TERF1: variants seen among roughly 807,000 people sequenced by gnomAD.
TERF1 encodes telomeric repeat-binding factor 1.
In TERF1, 20 loss-of-function variants were observed where a neutral mutation model predicts 55.1. That is an observed-to-expected ratio of 0.36 (90% confidence interval 0.26 to 0.53). The LOEUF (loss-of-function observed/expected upper bound fraction) is 0.53, where lower values mean the gene tolerates loss of function less well. Ranked by LOEUF, TERF1 falls within the 20% of genes least tolerant of loss-of-function variation. TERF1 has a pLI of 0.91. For synonymous variants in TERF1, 168 were observed against 181.2 expected, an observed-to-expected ratio of 0.93 and a Z score of 0.59; for missense variants, 439 against 535.7, an observed-to-expected ratio of 0.82 and a Z score of 1.78.
chr8:73,044,244 A>G (rs1483742257), intron 9 of TERF1, among the ~76,000 whole-genome samples: 1 of 152,204 alleles, frequency 6.6e-6, no homozygotes, highest in African/African-American at 2.4e-5. Context: ...TGTAAGCAGC[A>G]CAGTTGCCGA....
chr8:73,014,068 T>G (rs1808389639), intron 2 of TERF1, 78 bp downstream of exon 2: 1 of 1,262,152 alleles, frequency 7.9e-7, no homozygotes, highest in Non-Finnish European at 1.1e-6. Flanking sequence ...AAACAGACGT[T>G]TTTGGGGGAA....
At chr8:73,038,901 A>G (rs933592244) in intron 8 of TERF1, 1 of 538,124 alleles carries the variant, frequency 1.9e-6, no homozygotes, top group Non-Finnish European at 2.8e-6. Flanking sequence ...TTAAAGACAT[A>G]TAAAAGAATC....
At chr8:73,020,314 T>G (rs1808696480) in intron 2 of TERF1, among the ~76,000 whole-genome samples, 2 of 152,332 alleles carry the variant, frequency 1.3e-5, no homozygotes, top group African/African-American at 2.4e-5. Flanking sequence ...TAGTATTTAT[T>G]CTCACCATTT....
chr8:73,039,792 T>G (rs1217814720), intron 9 of TERF1, among the ~76,000 whole-genome samples: 2 of 148,790 alleles, frequency 1.3e-5, no homozygotes, highest in African/African-American at 2.5e-5. Context: ...TGTGTGTGTG[T>G]GTGTGTGTGT....
At chr8:73,009,932 G>A in intron 1 of TERF1, 1 of 151,998 alleles carries the variant, frequency 6.6e-6, no homozygotes, top group Non-Finnish European at 1.5e-5. Flanking sequence ...CGCCATCACA[G>A]CTCACTGCAG....
At chr8:73,028,949 A>G (rs560983595) in intron 6 of TERF1, among the ~76,000 whole-genome samples, 1 of 152,270 alleles carries the variant, frequency 6.6e-6, no homozygotes, top group South Asian at 2.1e-4. Flanking sequence ...TGCCTCATTC[A>G]TTACCAGGCA....
chr8:73,028,413 T>C (rs1049508953), intron 6 of TERF1, among the ~76,000 whole-genome samples: 2 of 152,124 alleles, frequency 1.3e-5, no homozygotes, highest in African/African-American at 4.8e-5. Context: ...TATATAGCTT[T>C]GTACCATTCA....
In TERF1 at chr8:73,016,082, C is replaced by A. The variant is rs73687057; in HGVS notation, c.415+2092C>A. Among the ~76,000 whole-genome samples the A allele has an allele frequency of 6.9e-3, 1,055 of 152,262 alleles. 8 individuals are homozygous for A. The highest frequency in any genetic ancestry group is 0.023 in the African/African-American group (970 of 41,542). On this transcript the variant is annotated intron_variant, in intron 2 of 9. Transcript: ENST00000276603. The stretch of plus-strand genomic sequence containing the variant: ...GCAGTGAGCTATGATCACACCACTG[C>A]ACCCCAACCTGGGCAGCACAGCAAG...
At chr8:73,014,115 G>C (rs1385095936) in intron 2 of TERF1, 125 bp downstream of exon 2, 4 of 696,406 alleles carry the variant, frequency 5.7e-6, no homozygotes, top group South Asian at 1.8e-5. Context: ...GGGGTGTGGG[G>C]GGGTGGTGTG....
chr8:73,046,091 G>A lies in TERF1; in HGVS notation c.1274G>A (p.Arg425Lys). Reference protein sequence around the residue: ...RTSVMLKDRWRTMKKLKLISS... With the variant: ...RTSVMLKDRWKTMKKLKLISS... ...AGTGTCATGTTAAAAGACAGATGGA[G>A]GACCATGAAGAAACTAAAACTGATT... Residue 425 changes from arginine (R) to lysine (K), a missense_variant, in exon 10 of 10, where the codon AGG becomes AAG. This residue lies in a region of TERF1 where 25 missense variants were observed against 57.3 expected (regional missense o/e 0.44). Transcript: ENST00000276603. The A allele has an allele frequency of 6.2e-7, 1 of 1,604,594 alleles. No homozygotes were observed. Among genetic ancestry groups the A allele is most frequent in the Non-Finnish European group, 8.5e-7 (1 of 1,176,914 alleles).
At chr8:73,019,926 C>A (rs920525053) in intron 2 of TERF1, among the ~76,000 whole-genome samples, 6 of 151,304 alleles carry the variant, frequency 4.0e-5, no homozygotes, top group Admixed American at 3.9e-4. Flanking sequence ...CCTTACTACT[C>A]TGAAACTATA....
At chr8:73,023,987 A>G (rs1162776806) in intron 4 of TERF1, among the ~76,000 whole-genome samples, 2 of 152,210 alleles carry the variant, frequency 1.3e-5, no homozygotes, top group Non-Finnish European at 2.9e-5. Flanking sequence ...TTTAAAAGCC[A>G]TGAAGTTTAA....
At chr8:73,018,986 C>T (rs936541865) in intron 2 of TERF1, 2 of 152,056 alleles carry the variant, frequency 1.3e-5, no homozygotes, top group Non-Finnish European at 2.9e-5. Flanking sequence ...TCATCCTTCT[C>T]GAGGGGCCAT....
chr8:73,047,892 C>A lies in TERF1; in HGVS notation c.*1755C>A, dbSNP rs1810106811. ...CTCATTCCAAACACCTGCTATAGAT[C>A]ATCAAATCTAAGTTGCCATTAATTG... On this transcript the variant is annotated 3_prime_UTR_variant, in exon 10 of 10. Coordinates refer to ENST00000276603, the MANE Select transcript of TERF1 (RefSeq NM_017489.3). The A allele has an allele frequency of 6.6e-6, 1 of 152,204 alleles. No individual in the cohort carries two copies. Among genetic ancestry groups the A allele is most frequent in the Admixed American group, 6.5e-5 (1 of 15,274 alleles). 9.4% of individuals were successfully genotyped at this position (152,204 alleles called of 1,614,324 possible). A position where few individuals can be genotyped will look rare whatever the true frequency, so the allele number is the denominator to read the frequency against.
At chr8:73,021,409 C>T in intron 3 of TERF1, among the ~76,000 whole-genome samples, 1 of 152,106 alleles carries the variant, frequency 6.6e-6, no homozygotes, top group Non-Finnish European at 1.5e-5. Flanking sequence ...TTTATGAATT[C>T]AACCCAGAGC....
At chr8:73,042,812 T>G (rs528509742) in intron 9 of TERF1, 11 of 152,326 alleles carry the variant, frequency 7.2e-5, no homozygotes, top group African/African-American at 2.6e-4. Flanking sequence ...TATGTGCTCT[T>G]TGTATCTTTT....
intron 8 of TERF1, among the ~76,000 whole-genome samples, chr8:73,037,196 T>G (rs1208516530): frequency 7.4e-6 from 1 of 135,372 alleles, no homozygotes; most frequent in Non-Finnish European, 1.5e-5. Context: ...TAATATATAT[T>G]ATATAATATA....
intron 9 of TERF1, among the ~76,000 whole-genome samples, chr8:73,040,529 C>CAT (rs1266641030): frequency 6.6e-6 from 1 of 152,130 alleles, no homozygotes; most frequent in Non-Finnish European, 1.5e-5. Flanking sequence ...CACAGTCATG[C>CAT]ATATGTTTTG....
chr8:73,010,185 C>T (rs564669530), intron 1 of TERF1: 1 of 152,278 alleles, frequency 6.6e-6, no homozygotes, highest in Non-Finnish European at 1.5e-5. Context: ...AATTCTTAGA[C>T]ATTTTGACAC....
Sources: allele counts gnomAD v4.1 joint callset (sites outside exome capture counted in the v4.1 genomes callset), GRCh38; gene constraint gnomAD v4.1.1; regional missense constraint gnomAD v4.1.1; transcripts MANE v1.5; gene names NCBI Gene and HGNC (gene_info 2026-07-23, HGNC 2026-07-21).